The following SNRNP40 variants were observed in gnomAD, a reference collection of about 807,000 sequenced individuals.
SNRNP40 encodes U5 small nuclear ribonucleoprotein 40 kDa protein.
Under a neutral mutation model 45.8 loss-of-function variants are expected in SNRNP40, and 21 were observed. The ratio of observed to expected loss-of-function variants is 0.46; its 90% CI spans 0.32 to 0.66. The LOEUF is 0.66. SNRNP40 is among the 30% of genes least tolerant of loss of function. The pLI, the probability that SNRNP40 is intolerant of heterozygous loss-of-function variation, is 0.03. For synonymous variants in SNRNP40, 142 were observed against 163.8 expected (o/e 0.87, Z 1.01); for missense variants, 344 against 439.1 (o/e 0.78, Z 1.94).
intron 1 of SNRNP40, among the ~76,000 whole-genome samples, chr1:31,296,008 A>G (rs1343763069): frequency 1.3e-5 from 2 of 152,242 alleles, no homozygotes; most frequent in African/African-American, 2.4e-5. Context: ...ATGGTTTCTC[A>G]GTTCGAAATC....
intron 4 of SNRNP40, among the ~76,000 whole-genome samples, chr1:31,285,242 CTTT>C (rs10694913): frequency 2.2e-5 from 3 of 139,350 alleles, no homozygotes; most frequent in Middle Eastern, 3.4e-3. Flanking sequence ...GCCTTATCAC[CTTT>C]TTTTTTTTTT....
intron 5 of SNRNP40, among the ~76,000 whole-genome samples, chr1:31,271,949 T>C (rs1303292301): frequency 6.6e-6 from 1 of 152,188 alleles, no homozygotes; most frequent in Non-Finnish European, 1.5e-5. Context: ...TCTGTCTTTC[T>C]AAAAAGGTAG....
At chr1:31,266,861 C>G (rs1007555509) in intron 8 of SNRNP40, among the ~76,000 whole-genome samples, 12 of 152,246 alleles carry the variant, frequency 7.9e-5, no homozygotes, top group African/African-American at 2.9e-4. Flanking sequence ...CAAGCACTGA[C>G]AACAGTGCCA....
intron 8 of SNRNP40, among the ~76,000 whole-genome samples, chr1:31,262,226 T>A (rs1285899173): frequency 1.3e-5 from 2 of 152,028 alleles, no homozygotes; most frequent in Non-Finnish European, 2.9e-5. Context: ...CCAAGAGAAA[T>A]CAGCTTGTCT....
intron 7 of SNRNP40, among the ~76,000 whole-genome samples, chr1:31,268,577 A>T (rs900392484): frequency 6.6e-6 from 1 of 152,168 alleles, no homozygotes; most frequent in African/African-American, 2.4e-5. Context: ...CTAAAAAACA[A>T]AATTTGATTT....
chr1:31,293,189 A>C, intron 2 of SNRNP40, 30 bp downstream of exon 2: 1 of 1,612,098 alleles, frequency 6.2e-7, no homozygotes, highest in Non-Finnish European at 8.5e-7. Context: ...GGCAGGAAAA[A>C]TTATTCCAGA....
chr1:31,282,768 C>T (rs1330140157), intron 4 of SNRNP40, among the ~76,000 whole-genome samples: 1 of 152,116 alleles, frequency 6.6e-6, no homozygotes, highest in African/African-American at 2.4e-5. Flanking sequence ...CTCCACCTCA[C>T]GGGCTCAAGC....
chr1:31,293,758 T>G (rs1048322163), intron 1 of SNRNP40, among the ~76,000 whole-genome samples: 6 of 152,100 alleles, frequency 3.9e-5, no homozygotes, highest in Admixed American at 2.0e-4. Context: ...ATTTTTTTAG[T>G]TTTTGTGGAG....
intron 1 of SNRNP40, among the ~76,000 whole-genome samples, chr1:31,295,142 C>G (rs945403689): frequency 1.3e-5 from 2 of 152,114 alleles, no homozygotes; most frequent in Admixed American, 1.3e-4. Flanking sequence ...GTAATCTCAG[C>G]ATTTTGGGAG....
chr1:31,276,543 G>A (rs892620982), intron 5 of SNRNP40, among the ~76,000 whole-genome samples: 2 of 151,948 alleles, frequency 1.3e-5, no homozygotes, highest in African/African-American at 4.8e-5. Flanking sequence ...TGCATCAAAG[G>A]TGGGGGTGGG....
intron 3 of SNRNP40, among the ~76,000 whole-genome samples, chr1:31,290,776 G>C (rs1055059749): frequency 2.0e-5 from 3 of 152,104 alleles, no homozygotes; most frequent in African/African-American, 7.2e-5. Flanking sequence ...TACTCAGGAG[G>C]CTGAGGCAGG....
intron 4 of SNRNP40, among the ~76,000 whole-genome samples, chr1:31,287,313 T>C (rs1646067004): frequency 6.6e-6 from 1 of 152,124 alleles, no homozygotes; most frequent in Admixed American, 6.6e-5. Context: ...CTTTAGGTGA[T>C]GTGACATACT....
chr1:31,292,072 C>G (rs766249566), intron 2 of SNRNP40, 66 bp from the exon 3 acceptor site: 49 of 1,137,272 alleles, frequency 4.3e-5, no homozygotes, highest in Non-Finnish European at 5.7e-5. Flanking sequence ...ATCAGAACAA[C>G]AGTTCTCAGG....
At chr1:31,265,780 T>A (rs897023403) in intron 8 of SNRNP40, among the ~76,000 whole-genome samples, 5 of 152,120 alleles carry the variant, frequency 3.3e-5, no homozygotes, top group African/African-American at 1.2e-4. Flanking sequence ...GTGGAGCTTG[T>A]AGTGAGCAGA....
intron 8 of SNRNP40, chr1:31,261,852 G>T: frequency 2.6e-6 from 1 of 390,990 alleles, no homozygotes. Context: ...AAAAATATAA[G>T]CATGACTGGC....
chr1:31,261,583 G>A lies in SNRNP40; in HGVS notation c.970C>T (p.Pro324Ser), dbSNP rs1331293788. The A allele has an allele frequency of 6.2e-7, 1 of 1,613,972 alleles. No homozygotes were observed. Among genetic ancestry groups the A allele is most frequent in the Non-Finnish European group, 8.5e-7 (1 of 1,179,966 alleles). The change falls in exon 9 of 10, where the codon CCC becomes TCC. Residue 324 changes from proline (P) to serine (S), a missense_variant. By Grantham distance (74) the Pro-to-Ser change is moderately conservative. Transcript: ENST00000263694. ...TTSRRILYKL[P>S]GHAGSINEVA... ...TCATTGATGGAGCCAGCATGGCCGG[G>A]CAGCTTATACAATATTCTCCTGCTT...
intron 4 of SNRNP40, among the ~76,000 whole-genome samples, chr1:31,288,087 C>T (rs1008312280): frequency 4.6e-5 from 7 of 151,806 alleles, no homozygotes; most frequent in Admixed American, 2.6e-4. Context: ...CACTTGAACC[C>T]GGGAGGTGGA....
intron 5 of SNRNP40, among the ~76,000 whole-genome samples, chr1:31,274,533 G>A (rs1006651085): frequency 6.6e-6 from 1 of 151,276 alleles, no homozygotes; most frequent in East Asian, 1.9e-4. Flanking sequence ...GAGTCACCGC[G>A]CCTGGCCTGG....
In SNRNP40 at chr1:31,285,242, CT is replaced by C. The variant is rs10694913; in HGVS notation, c.532-3747del. On this transcript the variant is annotated intron_variant, in intron 4 of 9. Coordinates refer to ENST00000263694, the MANE Select transcript of SNRNP40 (RefSeq NM_004814.3). ...AGTTGCTTACCCAATGCCTTATCAC[CT>C]TTTTTTTTTTTTTGAGATGGGAGTC... Among the ~76,000 whole-genome samples the C allele has an allele frequency of 1.3e-3, 182 of 139,298 alleles. 2 individuals carry two copies. Among genetic ancestry groups the C allele is most frequent in the South Asian group, 2.5e-3 (11 of 4,434 alleles). The allele number at this position is 139,298 out of a possible 152,430, so 91.4% of individuals were successfully genotyped here.
Sources: allele counts gnomAD v4.1 joint callset (sites outside exome capture counted in the v4.1 genomes callset), GRCh38; gene constraint gnomAD v4.1.1; transcripts MANE v1.5; gene names NCBI Gene and HGNC (gene_info 2026-07-23, HGNC 2026-07-21).